MTHFD2L: variants seen among roughly 807,000 people sequenced by gnomAD.
MTHFD2L encodes the protein methylenetetrahydrofolate dehydrogenase (NADP+ dependent) 2 like.
In MTHFD2L, 29 loss-of-function variants were observed where a neutral mutation model predicts 34.9. The observed-to-expected ratio is 0.83, with a 90% CI of 0.62 to 1.13. The LOEUF is 1.13. Among genes scored for constraint, MTHFD2L ranks in the 50% most tolerant of loss-of-function variants. The pLI, the probability that MTHFD2L is intolerant of heterozygous loss-of-function variation, is 0.00. For missense variants in MTHFD2L, 481 were observed against 446.5 expected, an observed-to-expected ratio of 1.08 and a Z score of -0.70; for synonymous variants, 167 against 155.7, an observed-to-expected ratio of 1.07 and a Z score of -0.54.
chr4:74,183,915 G>A (rs550483136), intron 3 of MTHFD2L: 1 of 152,104 alleles, frequency 6.6e-6, no homozygotes, highest in South Asian at 2.1e-4. Flanking sequence ...AAAATGTATG[G>A]CAACAATAGC....
intron 5 of MTHFD2L, among the ~76,000 whole-genome samples, chr4:74,224,470 T>C (rs1738819479): frequency 1.3e-5 from 2 of 152,168 alleles, no homozygotes; most frequent in Admixed American, 6.6e-5. Context: ...ACTTTTGTTG[T>C]TTTGGTTAAC....
chr4:74,138,322 G>A (rs1217861179), intron 1 of MTHFD2L, among the ~76,000 whole-genome samples: 2 of 152,036 alleles, frequency 1.3e-5, no homozygotes, highest in African/African-American at 2.4e-5. Context: ...TGTTGTTAGA[G>A]CTCCCAAGAT....
At position 74,140,453 on chromosome 4, in the gene MTHFD2L, A is replaced by C. The variant is rs72854806; in HGVS notation, c.-297+14936A>C. 1.0e-3 allele frequency: 511 copies of C among 495,618 alleles called. 4 individuals are homozygous for C. Among genetic ancestry groups the C allele is most frequent in the African/African-American group, 9.9e-3 (474 of 47,946 alleles). 30.7% of individuals were successfully genotyped at this position (495,618 alleles called of 1,614,324 possible). On this transcript the variant is annotated intron_variant, in intron 1 of 7. Transcript: ENST00000433372. ...TTTATGTAATTAATTAACTTAATCC[A>C]CACAAATACTCCTGTTTTTTTAGTA...
At chr4:74,189,485 CTTTTTTT>C (rs55665552) in intron 3 of MTHFD2L, among the ~76,000 whole-genome samples, 6 of 119,820 alleles carry the variant, frequency 5.0e-5, no homozygotes, top group African/African-American at 2.0e-4. Context: ...GTTTTTCTTC[CTTTTTTT>C]TTTTTTTTTT....
intron 6 of MTHFD2L, chr4:74,267,322 T>C (rs1745414630): frequency 3.9e-6 from 3 of 759,526 alleles, no homozygotes; most frequent in Non-Finnish European, 3.2e-6. Flanking sequence ...TCTTTCTCTT[T>C]CTCTCTTTCT....
At chr4:74,254,746 C>G (rs1743779251) in intron 6 of MTHFD2L, among the ~76,000 whole-genome samples, 2 of 151,992 alleles carry the variant, frequency 1.3e-5, no homozygotes, top group Admixed American at 6.6e-5. Flanking sequence ...TCAACATACT[C>G]TAATACTCTA....
intron 3 of MTHFD2L, among the ~76,000 whole-genome samples, chr4:74,186,539 A>T (rs1438369813): frequency 6.6e-6 from 1 of 151,602 alleles, no homozygotes; most frequent in Non-Finnish European, 1.5e-5. Flanking sequence ...TTTATTCTGT[A>T]TACTTTCAAC....
At chr4:74,235,964 C>G (rs1740782989) in intron 6 of MTHFD2L, among the ~76,000 whole-genome samples, 2 of 152,030 alleles carry the variant, frequency 1.3e-5, no homozygotes, top group African/African-American at 4.8e-5. Flanking sequence ...AAATGATGGA[C>G]TTTACTTCAT....
chr4:74,280,024 G>C (rs868358768), intron 6 of MTHFD2L, among the ~76,000 whole-genome samples: 13 of 152,090 alleles, frequency 8.5e-5, no homozygotes, highest in South Asian at 4.1e-4. Context: ...ACAGGTGCTA[G>C]AATGTCTCTA....
intron 3 of MTHFD2L, among the ~76,000 whole-genome samples, chr4:74,184,913 G>A: frequency 6.6e-6 from 1 of 151,988 alleles, no homozygotes. Flanking sequence ...ACTTTAGGAG[G>A]CCAAGATGGG....
intron 1 of MTHFD2L, among the ~76,000 whole-genome samples, chr4:74,163,885 T>C (rs888838042): frequency 6.6e-6 from 1 of 152,204 alleles, no homozygotes; most frequent in African/African-American, 2.4e-5. Flanking sequence ...TTTGTTTTGT[T>C]TTTTGTTTGA....
intron 6 of MTHFD2L, among the ~76,000 whole-genome samples, chr4:74,246,882 C>G (rs1742541666): frequency 6.6e-6 from 1 of 152,094 alleles, no homozygotes; most frequent in African/African-American, 2.4e-5. Flanking sequence ...GTTACTGTAG[C>G]CTTGTAGTAT....
At chr4:74,272,409 A>G (rs1356961080) in intron 6 of MTHFD2L, among the ~76,000 whole-genome samples, 2 of 152,218 alleles carry the variant, frequency 1.3e-5, no homozygotes, top group African/African-American at 4.8e-5. Context: ...TGTTCTTTTA[A>G]CATTATAAGA....
chr4:74,117,149 G>A lies in MTHFD2L; in HGVS notation c.-144+2492G>A, dbSNP rs114556468. Among the ~76,000 whole-genome samples, 270 of 152,274 alleles carry A rather than the reference G, an allele frequency of 1.8e-3. 1 individual carries two copies. The highest frequency in any genetic ancestry group is 6.4e-3 in the African/African-American group (266 of 41,562). ...TCCTTGGGAAAGTCCACAAGTGGACGGGGCTTCATAGCCATGACAACAAAT... is the reference window on the plus strand; with the variant it reads ...TCCTTGGGAAAGTCCACAAGTGGACAGGGCTTCATAGCCATGACAACAAAT... On this transcript the variant is annotated intron_variant and NMD_transcript_variant, in intron 2 of 9. Coordinates refer to the MTHFD2L transcript ENST00000429519.
At chr4:74,263,847 G>A (rs1360373792) in intron 6 of MTHFD2L, among the ~76,000 whole-genome samples, 2 of 151,768 alleles carry the variant, frequency 1.3e-5, no homozygotes, top group Admixed American at 6.6e-5. Flanking sequence ...ATATTAAAAG[G>A]GCAATGCATC....
intron 6 of MTHFD2L, among the ~76,000 whole-genome samples, chr4:74,254,157 A>C (rs1019625460): frequency 1.3e-5 from 2 of 152,140 alleles, no homozygotes; most frequent in African/African-American, 4.8e-5. Context: ...CAACTTCTAA[A>C]ATCTGCAGAG....
At chr4:74,129,820 A>C (rs1722342239) in intron 1 of MTHFD2L, among the ~76,000 whole-genome samples, 1 of 152,182 alleles carries the variant, frequency 6.6e-6, no homozygotes, top group African/African-American at 2.4e-5. Context: ...AAAGATTAAC[A>C]AAATAGATAG....
chr4:74,231,291 T>TC (rs955889435), intron 6 of MTHFD2L, among the ~76,000 whole-genome samples: 1 of 152,124 alleles, frequency 6.6e-6, no homozygotes, highest in African/African-American at 2.4e-5. Context: ...AATAGGGTTT[T>TC]CCCCCGGGTG....
intron 3 of MTHFD2L, among the ~76,000 whole-genome samples, chr4:74,177,237 A>T (rs1361751421): frequency 2.0e-5 from 3 of 151,986 alleles, no homozygotes; most frequent in Non-Finnish European, 1.5e-5. Context: ...GGAGTTTATT[A>T]ACATCACAAA....
Sources: gnomAD v4.1 joint callset for allele counts (sites outside exome capture counted in the v4.1 genomes callset) on GRCh38, gnomAD v4.1.1 for gene constraint, MANE v1.5 for transcripts, NCBI Gene and HGNC (gene_info 2026-07-23, HGNC 2026-07-21) for gene names.